Variants in MLLT3 observed in about 807,000 individuals in gnomAD.
The protein encoded by MLLT3 is MLLT3 super elongation complex subunit.
A neutral mutation model predicts 53.2 loss-of-function variants in MLLT3; 4 were observed. The observed-to-expected ratio is 0.08, with a 90% CI of 0.04 to 0.17. The LOEUF is 0.17. MLLT3 is among the 10% of genes least tolerant of loss of function. The probability of loss-of-function intolerance (pLI) is 1.00; values close to 1 mark genes in which losing one functional copy is unlikely to be tolerated. For synonymous variants in MLLT3, 283 were observed against 230.6 expected (o/e 1.23, Z -2.06); for missense variants, 569 against 684.0 (o/e 0.83, Z 1.87).
intron 2 of MLLT3, among the ~76,000 whole-genome samples, chr9:20,464,869 T>C (rs1824196572): frequency 6.6e-6 from 1 of 152,098 alleles, no homozygotes; most frequent in African/African-American, 2.4e-5. Flanking sequence ...CTTCCATGAA[T>C]TCACCATGTA....
intron 2 of MLLT3, among the ~76,000 whole-genome samples, chr9:20,590,263 A>G (rs1442153821): frequency 6.6e-6 from 1 of 152,142 alleles, no homozygotes; most frequent in Non-Finnish European, 1.5e-5. Flanking sequence ...GTGCCTCCCT[A>G]GAAAGCATGA....
intron 3 of MLLT3, among the ~76,000 whole-genome samples, chr9:20,454,599 T>C (rs1823915375): frequency 6.6e-6 from 1 of 152,222 alleles, no homozygotes; most frequent in Non-Finnish European, 1.5e-5. Flanking sequence ...GCCTATTCTT[T>C]AATTTCTTTG....
rs1822730155 is a variant in MLLT3 at position 20,411,614 on chromosome 9, T to C, written c.1125+2107A>G. On this transcript the variant is annotated intron_variant, in intron 5 of 10. Transcript: ENST00000380338. ...AATCATTGGATTTGTGGCTCTAATA[T>C]GTCATATACCATTTTGAAAATTTAC... 3.9e-5 allele frequency among the ~76,000 whole-genome samples: 6 copies of C among 152,356 alleles called. No individual in the cohort carries two copies. In the South Asian group the frequency reaches 8.3e-4, roughly 21 times the overall value.
intron 2 of MLLT3, among the ~76,000 whole-genome samples, chr9:20,608,618 T>C (rs1239500432): frequency 6.6e-6 from 1 of 151,914 alleles, no homozygotes; most frequent in Non-Finnish European, 1.5e-5. Flanking sequence ...ATACTCATAG[T>C]AACATTAAAG....
At chr9:20,387,618 G>GAAAT (rs1822072480) in intron 5 of MLLT3, among the ~76,000 whole-genome samples, 1 of 152,170 alleles carries the variant, frequency 6.6e-6, no homozygotes, top group Non-Finnish European at 1.5e-5. Flanking sequence ...AGTTACTGTG[G>GAAAT]AAGACACAAT....
intron 2 of MLLT3, among the ~76,000 whole-genome samples, chr9:20,589,824 C>T (rs1434050700): frequency 6.6e-6 from 1 of 151,478 alleles, no homozygotes; most frequent in Non-Finnish European, 1.5e-5. Context: ...GATTCTTCTG[C>T]CTCAGCCTCC....
chr9:20,346,633 A>G, intron 10 of MLLT3, 59 bp from the exon 11 acceptor site: 13 of 1,555,264 alleles, frequency 8.4e-6, no homozygotes, highest in Non-Finnish European at 1.1e-5. Context: ...AAAGGCAAAG[A>G]GAGAGTAATG....
chr9:20,430,227 C>A (rs1007744941), intron 4 of MLLT3, among the ~76,000 whole-genome samples: 9 of 152,194 alleles, frequency 5.9e-5, no homozygotes, highest in African/African-American at 2.2e-4. Flanking sequence ...AAACTAGGTT[C>A]ATAGATGAGA....
Position 20,346,395 on chromosome 9 carries a change from C to CAAAAAAAAAAAAAACAA in MLLT3, c.*47_*48insTTGTTTTTTTTTTTTTT. The CAAAAAAAAAAAAAACAA allele has an allele frequency of 1.0e-6, 1 of 1,001,574 alleles. No homozygotes were observed. The allele number at this position is 1,001,574 out of a possible 1,614,324, so 62.0% of individuals were successfully genotyped here. A position where few individuals can be genotyped will look rare whatever the true frequency, so the allele number is the denominator to read the frequency against. ...AATCACAACCAAAAAAAAAAAAAACCAAAAAAAAAAAACACAATAGTTCTT... is the reference window on the plus strand; with the variant it reads ...AATCACAACCAAAAAAAAAAAAAACCAAAAAAAAAAAAAACAAAAAAAAAAAAAACACAATAGTTCTT... On this transcript the variant is annotated 3_prime_UTR_variant, in exon 11 of 11. Coordinates refer to ENST00000380338, the MANE Select transcript of MLLT3 (RefSeq NM_004529.4).
intron 2 of MLLT3, among the ~76,000 whole-genome samples, chr9:20,478,753 G>A (rs749485845): frequency 1.3e-5 from 2 of 152,132 alleles, no homozygotes; most frequent in Non-Finnish European, 2.9e-5. Context: ...CTTTCCTCGT[G>A]TTTAACAAGG....
chr9:20,560,850 T>C (rs879115261), intron 2 of MLLT3, among the ~76,000 whole-genome samples: 2 of 152,176 alleles, frequency 1.3e-5, no homozygotes, highest in African/African-American at 4.8e-5. Context: ...ATACAGATTG[T>C]GTAACAATCA....
chr9:20,389,654 CTTG>C (rs1822135955), intron 5 of MLLT3, among the ~76,000 whole-genome samples: 1 of 152,020 alleles, frequency 6.6e-6, no homozygotes, highest in African/African-American at 2.4e-5. Flanking sequence ...GTGGCATGTA[CTTG>C]TTGTCTCAGC....
At chr9:20,361,881 G>C (rs1282507370) in intron 7 of MLLT3, among the ~76,000 whole-genome samples, 2 of 152,072 alleles carry the variant, frequency 1.3e-5, no homozygotes, top group African/African-American at 4.8e-5. Context: ...CTTTCACTCT[G>C]AATAGGCAAT....
intron 2 of MLLT3, among the ~76,000 whole-genome samples, chr9:20,478,589 C>G (rs1199991677): frequency 6.6e-6 from 1 of 152,152 alleles, no homozygotes; most frequent in East Asian, 1.9e-4. Context: ...CCTCAGATAT[C>G]TCTTGCTCTG....
In MLLT3 at chr9:20,564,488, A is replaced by G. The variant is rs372748375; in HGVS notation, c.193+56166T>C. On this transcript the variant is annotated intron_variant, in intron 2 of 10. Coordinates refer to ENST00000380338, the MANE Select transcript of MLLT3 (RefSeq NM_004529.4). ...ATTTGGCAAAATTGCAAACTAAAAG[A>G]AAAAATAGCCTTTGCGTTCTCCAGC... Among the ~76,000 whole-genome samples the G allele has an allele frequency of 6.6e-5, 10 of 152,190 alleles. No individual in the cohort carries two copies. The East Asian group carries it at 1.3e-3, about 21-fold the overall frequency.
chr9:20,551,558 G>A (rs1035239611), intron 2 of MLLT3, among the ~76,000 whole-genome samples: 1 of 152,066 alleles, frequency 6.6e-6, no homozygotes, highest in African/African-American at 2.4e-5. Context: ...CCTTTCTCCT[G>A]TGACACTTTT....
chr9:20,471,205 TATATGAA>T (rs1470460857), intron 2 of MLLT3, among the ~76,000 whole-genome samples: 2 of 152,086 alleles, frequency 1.3e-5, no homozygotes, highest in Admixed American at 1.3e-4. Context: ...GCTGGATGCT[TATATGAA>T]AAGTATTTTT....
chr9:20,418,175 T>G (rs1490248014), intron 4 of MLLT3: 1 of 152,212 alleles, frequency 6.6e-6, no homozygotes, highest in Non-Finnish European at 1.5e-5. Flanking sequence ...AAAATTGTAG[T>G]GTGGTCCAAG....
At chr9:20,422,278 C>A (rs547785895) in intron 4 of MLLT3, among the ~76,000 whole-genome samples, 1 of 152,140 alleles carries the variant, frequency 6.6e-6, no homozygotes, top group South Asian at 2.1e-4. Flanking sequence ...TTACTTGTTT[C>A]GACTTTTGAA....
Sources: gnomAD v4.1 joint callset for allele counts (sites outside exome capture counted in the v4.1 genomes callset) on GRCh38, gnomAD v4.1.1 for gene constraint, MANE v1.5 for transcripts, NCBI Gene and HGNC (gene_info 2026-07-23, HGNC 2026-07-21) for gene names.